The following EDA variants were observed in gnomAD, a reference collection of about 807,000 sequenced individuals.
EDA encodes ectodysplasin A.
In EDA, 2 loss-of-function variants were observed where a neutral mutation model predicts 23.6. The ratio of observed to expected loss-of-function variants is 0.08; its 90% confidence interval spans 0.03 to 0.27. The LOEUF (loss-of-function observed/expected upper bound fraction) is 0.27, where lower values mean the gene tolerates loss of function less well. Ranked by LOEUF, EDA falls within the 10% of genes least tolerant of loss-of-function variation. EDA has a pLI of 1.00. For synonymous variants in EDA, 131 were observed against 132.0 expected, an observed-to-expected ratio of 0.99 and a Z score of 0.05; for missense variants, 229 against 324.2, an observed-to-expected ratio of 0.71 and a Z score of 2.26.
chrX:69,757,074 A>G (rs2804386), intron 1 of EDA, among the ~76,000 whole-genome samples: 33,851 of 110,879 alleles, frequency 0.31, 4,898 homozygotes, highest in Middle Eastern at 0.56. Flanking sequence ...TACTCAAACC[A>G]AAGAAACAGG....
At chrX:69,819,992 C>T (rs752607185) in intron 1 of EDA, among the ~76,000 whole-genome samples, 10 of 110,113 alleles carry the variant, frequency 9.1e-5, no homozygotes, top group South Asian at 3.9e-4. Flanking sequence ...GACTTCAAAC[C>T]GTGCTACAAG....
chrX:69,617,486 A>G (rs1386656241), intron 1 of EDA, among the ~76,000 whole-genome samples: 3 of 111,025 alleles, frequency 2.7e-5, no homozygotes, highest in Non-Finnish European at 5.7e-5. Context: ...TGGAATAATT[A>G]CTCAGGACTC....
intron 1 of EDA, among the ~76,000 whole-genome samples, chrX:69,940,048 C>CTT (rs377262930): frequency 8.1e-5 from 9 of 110,616 alleles, no homozygotes; most frequent in African/African-American, 3.0e-4. Context: ...TTGTAGTTTT[C>CTT]TTTTTTTGAT....
At chrX:69,970,471 G>C (rs147358974) in intron 2 of EDA, among the ~76,000 whole-genome samples, 31 of 111,429 alleles carry the variant, frequency 2.8e-4, no homozygotes, top group Non-Finnish European at 5.3e-4. Flanking sequence ...GAATGAATGA[G>C]AATGCTTTTT....
chrX:70,014,974 G>A (rs763295094), intron 2 of EDA, among the ~76,000 whole-genome samples: 1 of 111,810 alleles, frequency 8.9e-6, no homozygotes, highest in South Asian at 3.8e-4. Context: ...GAGGGAATAC[G>A]AGCAACTTGG....
intron 1 of EDA, among the ~76,000 whole-genome samples, chrX:69,886,493 T>G (rs2147625493): frequency 9.0e-6 from 1 of 110,841 alleles, no homozygotes; most frequent in Non-Finnish European, 1.9e-5. Flanking sequence ...GCCCTGCAAC[T>G]TGGTTCTAGC....
intron 1 of EDA, among the ~76,000 whole-genome samples, chrX:69,750,100 G>A (rs1432493532): frequency 9.5e-6 from 1 of 105,355 alleles, no homozygotes; most frequent in African/African-American, 3.5e-5. Context: ...CATGTGCCAT[G>A]TTGGTGTGCT....
At chrX:70,020,922 T>C (rs2147500733) in intron 2 of EDA, among the ~76,000 whole-genome samples, 1 of 112,719 alleles carries the variant, frequency 8.9e-6, no homozygotes, top group East Asian at 2.8e-4. Flanking sequence ...GGGGGTGCTT[T>C]AATAAGCTCT....
intron 2 of EDA, among the ~76,000 whole-genome samples, chrX:69,964,057 C>G (rs1399894560): frequency 2.7e-5 from 3 of 111,332 alleles, no homozygotes; most frequent in Non-Finnish European, 5.6e-5. Context: ...AAGGTCCTTC[C>G]TGTCTACTCA....
intron 1 of EDA, among the ~76,000 whole-genome samples, chrX:69,841,199 A>G (rs898933677): frequency 3.6e-5 from 4 of 111,962 alleles, no homozygotes; most frequent in Non-Finnish European, 7.5e-5. Flanking sequence ...ATTCTAGGTG[A>G]GCAAAAGAAA....
intron 1 of EDA, chrX:69,670,327 T>C (rs1369051290): frequency 2.4e-5 from 9 of 370,251 alleles, no homozygotes; most frequent in Admixed American, 5.2e-5. Flanking sequence ...TTGCTGGTTT[T>C]AAAGTTTTCT....
At chrX:69,894,100 G>A (rs1006101674) in intron 1 of EDA, among the ~76,000 whole-genome samples, 1 of 111,804 alleles carries the variant, frequency 8.9e-6, no homozygotes, top group East Asian at 2.8e-4. Flanking sequence ...GTATAAGAAA[G>A]GGGTCCAGTT....
chrX:69,965,359 G>A (rs936935720), intron 2 of EDA, among the ~76,000 whole-genome samples: 1 of 111,676 alleles, frequency 9.0e-6, no homozygotes, highest in Admixed American at 9.5e-5. Context: ...GTCAAATCAC[G>A]CAGGGCTTTG....
At chrX:69,961,461 A>G (rs753585918) in intron 2 of EDA, among the ~76,000 whole-genome samples, 2 of 112,274 alleles carry the variant, frequency 1.8e-5, no homozygotes, top group South Asian at 7.5e-4. Flanking sequence ...TGTTTTCATC[A>G]GACTATTAAA....
chrX:69,787,719 T>G (rs1200339319), intron 1 of EDA, among the ~76,000 whole-genome samples: 1 of 111,378 alleles, frequency 9.0e-6, no homozygotes, highest in Middle Eastern at 4.2e-3. Flanking sequence ...CTGGCTGCCC[T>G]TAACATTTTT....
intron 2 of EDA, among the ~76,000 whole-genome samples, chrX:69,958,488 A>G (rs1367295856): frequency 2.0e-5 from 2 of 100,121 alleles, no homozygotes; most frequent in Non-Finnish European, 4.0e-5. Flanking sequence ...TCTGAGAAAG[A>G]GCTCAGAACA....
chrX:69,879,032 C>T (rs1282351544), intron 1 of EDA, among the ~76,000 whole-genome samples: 1 of 110,829 alleles, frequency 9.0e-6, no homozygotes, highest in Admixed American at 9.6e-5. Context: ...CTACTTTGTT[C>T]TTTTTCAAAA....
chrX:69,768,873 A>G (rs995484185), intron 1 of EDA, among the ~76,000 whole-genome samples: 1 of 111,792 alleles, frequency 8.9e-6, no homozygotes, highest in African/African-American at 3.2e-5. Context: ...ATTATGATAT[A>G]CGGTTTATTC....
rs1209455509 is a variant in EDA, at chrX:69,704,119, G to A, written c.396+87415G>A. 7.2e-5 allele frequency among the ~76,000 whole-genome samples: 8 copies of A among 111,733 alleles called. No homozygotes were observed. The Admixed American group carries it at 7.6e-4, about 11-fold the overall frequency. ...CACAGCCCCAGTAAATCCTGAGAAC[G>A]TGTGCTACAGCTTGGTTTTACACAT... is the stretch of plus-strand genomic sequence containing the variant. On this transcript the variant is annotated intron_variant, in intron 1 of 7. Coordinates refer to ENST00000374552, the MANE Select transcript of EDA (RefSeq NM_001399.5).
Sources: allele counts gnomAD v4.1 joint callset (sites outside exome capture counted in the v4.1 genomes callset), GRCh38; gene constraint gnomAD v4.1.1; transcripts MANE v1.5; gene names NCBI Gene and HGNC (gene_info 2026-07-23, HGNC 2026-07-21).